The following HLCS variants were observed in gnomAD, a reference collection of about 807,000 sequenced individuals.
HLCS encodes biotin--protein ligase.
In HLCS, 53 loss-of-function variants were observed where a neutral mutation model predicts 75.0. The observed-to-expected ratio is 0.71, with a 90% CI of 0.57 to 0.89. HLCS has a LOEUF of 0.89. Among genes scored for constraint, HLCS ranks in the 40% least tolerant of loss-of-function variants. The pLI is 0.00. For synonymous variants in HLCS, 431 were observed against 428.6 expected, an observed-to-expected ratio of 1.01 and a Z score of -0.07; for missense variants, 966 against 1,074.0, an observed-to-expected ratio of 0.90 and a Z score of 1.41.
intron 5 of HLCS, among the ~76,000 whole-genome samples, chr21:36,913,687 G>C (rs554158534): frequency 7.9e-5 from 12 of 152,158 alleles, no homozygotes; most frequent in Non-Finnish European, 1.6e-4. Context: ...CTTAAACCCA[G>C]GAAGTGAAGG....
chr21:36,937,445 G>A, intron 3 of HLCS, 53 bp from the exon 4 acceptor site: 1 of 1,411,864 alleles, frequency 7.1e-7, no homozygotes, highest in Non-Finnish European at 1.0e-6. Flanking sequence ...CTTCTTGTAT[G>A]ACACATAGCT....
chr21:36,855,577 G>A (rs2063162029), intron 6 of HLCS, among the ~76,000 whole-genome samples: 1 of 147,226 alleles, frequency 6.8e-6, no homozygotes, highest in Admixed American at 6.8e-5. Flanking sequence ...AAAGGTGGCA[G>A]TACAAAATGT....
intron 6 of HLCS, among the ~76,000 whole-genome samples, chr21:36,879,615 T>C (rs974984522): frequency 2.0e-5 from 3 of 152,158 alleles, no homozygotes; most frequent in African/African-American, 7.2e-5. Context: ...CCAAGGTGAC[T>C]GGAAGGGGAT....
At chr21:36,834,453 G>T (rs2062333057) in intron 6 of HLCS, among the ~76,000 whole-genome samples, 1 of 152,214 alleles carries the variant, frequency 6.6e-6, no homozygotes, top group South Asian at 2.1e-4. Context: ...CGCCAGAGAG[G>T]CCAATCCCAA....
Position 36,989,681 on chromosome 21 carries a change from T to C in HLCS, c.-393+477A>G, listed in dbSNP as rs58906509. ...GTATCAGTCTTTTTTTTCCGGGCAC[T>C]TAGGCGCTGGGTCATTAGGAAGCCT... is the stretch of plus-strand genomic sequence containing the variant. On this transcript the variant is annotated intron_variant, in intron 1 of 11. Transcript: ENST00000336648. Among the ~76,000 whole-genome samples, 261 of 151,686 alleles carry C rather than the reference T, an allele frequency of 1.7e-3. 3 individuals carry two copies. The highest frequency in any genetic ancestry group is 6.1e-3 in the African/African-American group (254 of 41,398).
At chr21:36,883,324 A>G (rs908989140) in intron 6 of HLCS, among the ~76,000 whole-genome samples, 19 of 152,208 alleles carry the variant, frequency 1.2e-4, no homozygotes, top group Admixed American at 6.5e-5. Flanking sequence ...GAGAAAAAGA[A>G]ATGGAAGAGA....
In HLCS at chr21:36,834,744, T is replaced by A. The variant is rs907681004; in HGVS notation, c.1892+62116A>T. ...CTAATTTTTGTATTTTTAGTAGAGA[T>A]GGGGTTTCACCATGTTGGCCAGGAT... On this transcript the variant is annotated intron_variant, in intron 6 of 10. Coordinates refer to ENST00000674895, the MANE Select transcript of HLCS (RefSeq NM_001352514.2). Among the ~76,000 whole-genome samples, 5 of 152,170 alleles carry A rather than the reference T, an allele frequency of 3.3e-5. No individual in the cohort carries two copies. The East Asian group carries it at 9.7e-4, about 29-fold the overall frequency.
chr21:36,785,754 G>A (rs536263624), intron 6 of HLCS, among the ~76,000 whole-genome samples: 28 of 152,138 alleles, frequency 1.8e-4, no homozygotes, highest in Non-Finnish European at 3.5e-4. Context: ...TCCTGGCCTT[G>A]TTCCTCCTGA....
intron 2 of HLCS, among the ~76,000 whole-genome samples, chr21:36,942,946 A>C (rs1410923155): frequency 2.6e-5 from 4 of 152,068 alleles, no homozygotes; most frequent in Admixed American, 2.0e-4. Flanking sequence ...AAAAAGAAAG[A>C]AAAGAAAATA....
At chr21:36,820,372 C>CGACT in intron 6 of HLCS, among the ~76,000 whole-genome samples, 1 of 152,208 alleles carries the variant, frequency 6.6e-6, no homozygotes, top group Non-Finnish European at 1.5e-5. Flanking sequence ...CAGCCACGGC[C>CGACT]GGGCCGCCGA....
intron 6 of HLCS, among the ~76,000 whole-genome samples, chr21:36,850,950 G>A (rs550017985): frequency 6.6e-5 from 10 of 152,272 alleles, no homozygotes; most frequent in South Asian, 4.2e-4. Flanking sequence ...GGGGTGAGGC[G>A]AGGATATGCC....
intron 9 of HLCS, 77 bp from the exon 10 acceptor site, chr21:36,756,832 T>TA (rs1454844279): frequency 3.1e-6 from 5 of 1,609,206 alleles, no homozygotes; most frequent in Non-Finnish European, 4.2e-6. Context: ...TGGAAAAAGT[T>TA]ACAGTCTTGA....
intron 6 of HLCS, among the ~76,000 whole-genome samples, chr21:36,861,529 T>G (rs1270887660): frequency 6.6e-6 from 1 of 152,132 alleles, no homozygotes; most frequent in African/African-American, 2.4e-5. Flanking sequence ...TTTTTCCTGA[T>G]CCTCTCCCTC....
At chr21:36,955,060 C>CA (rs1046344505) in intron 2 of HLCS, among the ~76,000 whole-genome samples, 4 of 151,684 alleles carry the variant, frequency 2.6e-5, no homozygotes, top group African/African-American at 7.3e-5. Context: ...GATTCTGTCT[C>CA]AAAAAAAACC....
intron 6 of HLCS, among the ~76,000 whole-genome samples, chr21:36,865,174 C>G (rs956009856): frequency 6.6e-6 from 1 of 151,926 alleles, no homozygotes; most frequent in South Asian, 2.1e-4. Context: ...CCACTGACAT[C>G]TGCTCGGGCG....
At chr21:36,899,622 C>T (rs1186110812) in intron 5 of HLCS, among the ~76,000 whole-genome samples, 1 of 152,014 alleles carries the variant, frequency 6.6e-6, no homozygotes, top group Non-Finnish European at 1.5e-5. Flanking sequence ...AACTGCATCT[C>T]AAATAATAAT....
At chr21:36,786,183 C>T (rs1312255888) in intron 6 of HLCS, among the ~76,000 whole-genome samples, 1 of 152,160 alleles carries the variant, frequency 6.6e-6, no homozygotes, top group Admixed American at 6.5e-5. Context: ...GAAAATGCTT[C>T]CCATTTGTTA....
intron 6 of HLCS, among the ~76,000 whole-genome samples, chr21:36,856,634 A>G (rs1601529549): frequency 6.6e-6 from 1 of 152,152 alleles, no homozygotes; most frequent in East Asian, 1.9e-4. Flanking sequence ...GAAGTATATC[A>G]TCAGGTAAGG....
intron 5 of HLCS, among the ~76,000 whole-genome samples, chr21:36,918,136 A>G (rs2066009936): frequency 6.6e-6 from 1 of 152,250 alleles, no homozygotes; most frequent in African/African-American, 2.4e-5. Flanking sequence ...AATAAAGCCC[A>G]GCCTGTCTGC....
Sources: allele counts gnomAD v4.1 joint callset (sites outside exome capture counted in the v4.1 genomes callset), GRCh38; gene constraint gnomAD v4.1.1; transcripts MANE v1.5; gene names NCBI Gene and HGNC (gene_info 2026-07-23, HGNC 2026-07-21).